GFM2: variants seen among roughly 807,000 people sequenced by gnomAD.
The protein encoded by GFM2 is GTP dependent ribosome recycling factor mitochondrial 2.
In GFM2, 72 loss-of-function variants were observed where a neutral mutation model predicts 95.4. The observed-to-expected ratio is 0.76, with a 90% CI of 0.62 to 0.92. The LOEUF (loss-of-function observed/expected upper bound fraction) is 0.92, where lower values mean the gene tolerates loss of function less well. Ranked by LOEUF, GFM2 falls within the 40% of genes least tolerant of loss-of-function variation. The pLI, the probability that GFM2 is intolerant of heterozygous loss-of-function variation, is 0.00. For synonymous variants in GFM2, 276 were observed against 317.5 expected, an observed-to-expected ratio of 0.87 and a Z score of 1.39; for missense variants, 825 against 924.1, an observed-to-expected ratio of 0.89 and a Z score of 1.39.
At chr5:74,762,797 C>T (rs1744350856) in intron 2 of GFM2, among the ~76,000 whole-genome samples, 1 of 152,194 alleles carries the variant, frequency 6.6e-6, no homozygotes, top group Non-Finnish European at 1.5e-5. Flanking sequence ...GAATGACTCA[C>T]CTCCCAGGTG....
chr5:74,727,041 A>G (rs1199878127), intron 17 of GFM2, among the ~76,000 whole-genome samples: 1 of 152,040 alleles, frequency 6.6e-6, no homozygotes, highest in Non-Finnish European at 1.5e-5. Flanking sequence ...GGTAGTGCAC[A>G]CCTGTAGTCC....
At chr5:74,744,508 T>C (rs1459805095) in intron 10 of GFM2, among the ~76,000 whole-genome samples, 1 of 152,168 alleles carries the variant, frequency 6.6e-6, no homozygotes, top group Non-Finnish European at 1.5e-5. Flanking sequence ...AATTAAGGTA[T>C]GTTTTATTTA....
rs1441574258 is a variant in GFM2 at position 74,721,744 on chromosome 5, C to A, written c.2251G>T (p.Ala751Ser). The change falls in exon 21 of 21, where the codon GCT (alanine) becomes TCT (serine). Residue 751 changes from alanine to serine, a missense_variant. By Grantham distance (99) the Ala-to-Ser change is moderately conservative. Coordinates refer to ENST00000296805, the MANE Select transcript of GFM2 (RefSeq NM_032380.5). ...GTAGATAGTTCTAAGGCAAAAGTAG[C>A]TGAGCCTGATGTTAGCGTTCGAAGC... ...TVLRTLTSGS[A>S]TFALELSTYQ... 1 of 1,613,582 alleles carries A rather than the reference C, an allele frequency of 6.2e-7. No individual in the cohort carries two copies. Among genetic ancestry groups the A allele is most frequent in the Admixed American group, 1.7e-5 (1 of 59,942 alleles).
At chr5:74,753,871 T>G (rs1378914991) in intron 5 of GFM2, among the ~76,000 whole-genome samples, 1 of 152,082 alleles carries the variant, frequency 6.6e-6, no homozygotes, top group African/African-American at 2.4e-5. Context: ...AAAGAACACC[T>G]GGGAAATTCA....
intron 2 of GFM2, among the ~76,000 whole-genome samples, chr5:74,762,081 T>G (rs992614412): frequency 1.4e-4 from 21 of 152,188 alleles, no homozygotes; most frequent in African/African-American, 4.3e-4. Context: ...GGCCACTTAA[T>G]GAGATCACAA....
At position 74,725,761 on chromosome 5, in the gene GFM2, C is replaced by T; in HGVS notation, c.1913-6G>A. Reference sequence around the variant, plus strand: ...TGGGGATCCAAGCAATGGTCCTAGACAAGGGAAAAAAATTGTATCATACTC... The same window carrying T: ...TGGGGATCCAAGCAATGGTCCTAGATAAGGGAAAAAAATTGTATCATACTC... On this transcript the variant is annotated splice_polypyrimidine_tract_variant and splice_region_variant and intron_variant, in intron 18 of 20. Transcript: ENST00000296805. The T allele has an allele frequency of 6.2e-7, 1 of 1,601,444 alleles. No homozygotes were observed. The highest frequency in any genetic ancestry group is 2.2e-5 in the East Asian group (1 of 44,796).
Position 74,733,344 on chromosome 5 carries a change from A to T in GFM2, c.1511-246T>A, listed in dbSNP as rs1031859546. 469 of 343,844 alleles carry T rather than the reference A, an allele frequency of 1.4e-3. 3 individuals carry two copies. Among genetic ancestry groups the T allele is most frequent in the Admixed American group, 3.6e-3 (84 of 23,072 alleles). The allele number at this position is 343,844 out of a possible 1,614,324, so 21.3% of individuals were successfully genotyped here. A position where few individuals can be genotyped will look rare whatever the true frequency, so the allele number is the denominator to read the frequency against. ...CGTCTTTACAAAAAAAGAAAAAAAA[A>T]AAAAGACAATTTCAAACAGCCATAC... On this transcript the variant is annotated intron_variant, in intron 15 of 20. Transcript: ENST00000296805.
chr5:74,745,574 C>A, intron 10 of GFM2, 104 bp downstream of exon 10: 1 of 889,986 alleles, frequency 1.1e-6, no homozygotes, highest in African/African-American at 1.7e-5. Context: ...TTGGTATCCA[C>A]AGGAGGTCCT....
chr5:74,754,561 G>A (rs544113471), intron 5 of GFM2, among the ~76,000 whole-genome samples: 2 of 152,136 alleles, frequency 1.3e-5, no homozygotes, highest in South Asian at 4.1e-4. Context: ...AGGAATAACT[G>A]TTCTTATATC....
intron 1 of GFM2, among the ~76,000 whole-genome samples, chr5:74,764,088 T>C (rs1234453744): frequency 2.0e-5 from 3 of 152,208 alleles, no homozygotes; most frequent in Non-Finnish European, 4.4e-5. Flanking sequence ...GTTATGTAAA[T>C]GTATAGAATT....
rs1561251651 is a variant in GFM2 at position 74,746,328 on chromosome 5, A to G, written c.609-163T>C. On this transcript the variant is annotated intron_variant, in intron 8 of 20. Coordinates refer to ENST00000296805, the MANE Select transcript of GFM2 (RefSeq NM_032380.5). ...CACTATTTAACAGTTTTCCATAGGA[A>G]AATGTCTGGAATAAACTTTTATGTC... Among the ~76,000 whole-genome samples the G allele has an allele frequency of 2.0e-5, 3 of 152,364 alleles. No homozygotes were observed. The South Asian group carries it at 6.2e-4, about 32-fold the overall frequency.
rs1046767645 is a variant in GFM2 at position 74,743,556 on chromosome 5, T to C, written c.850-1947A>G. 3.3e-5 allele frequency among the ~76,000 whole-genome samples: 5 copies of C among 152,224 alleles called. No individual in the cohort carries two copies. In the East Asian group the frequency reaches 7.7e-4, roughly 23 times the overall value. On this transcript the variant is annotated intron_variant, in intron 10 of 20. Transcript: ENST00000296805. ...GATTCTTTCTGAGATTTCTGTCACA[T>C]ACTATCACATCCTAGAAGACCATGA... is the stretch of plus-strand genomic sequence containing the variant.
chr5:74,755,335 G>A (rs1316445424), intron 5 of GFM2, among the ~76,000 whole-genome samples: 1 of 151,968 alleles, frequency 6.6e-6, no homozygotes, highest in African/African-American at 2.4e-5. Context: ...ACTCCAAAAG[G>A]AACCCTCAAA....
Position 74,741,515 on chromosome 5 carries a change from A to T in GFM2, c.930+14T>A. The T allele has an allele frequency of 1.6e-6, 2 of 1,282,472 alleles. No individual in the cohort carries two copies. Among genetic ancestry groups the T allele is most frequent in the South Asian group, 2.5e-5 (2 of 78,548 alleles). The allele number at this position is 1,282,472 out of a possible 1,614,324, so 79.4% of individuals were successfully genotyped here. ...AGTAAAATTTTGTGAAAGCCATTGA[A>T]TAATAAAATTTACCTTTTCAGCTGG... On this transcript the variant is annotated intron_variant, in intron 11 of 20. Transcript: ENST00000296805.
At chr5:74,728,201 C>T (rs1750236400) in intron 17 of GFM2, among the ~76,000 whole-genome samples, 1 of 152,040 alleles carries the variant, frequency 6.6e-6, no homozygotes, top group Admixed American at 6.6e-5. Flanking sequence ...AAAATACATG[C>T]CTAAATTTTG....
chr5:74,727,271 G>A (rs961517005), intron 17 of GFM2, among the ~76,000 whole-genome samples: 1 of 152,038 alleles, frequency 6.6e-6, no homozygotes, highest in Non-Finnish European at 1.5e-5. Context: ...CTACTAAAGA[G>A]AGTATTACCA....
intron 12 of GFM2, among the ~76,000 whole-genome samples, chr5:74,739,157 C>T (rs958867653): frequency 3.3e-5 from 5 of 152,058 alleles, no homozygotes; most frequent in African/African-American, 1.2e-4. Flanking sequence ...CCAAATTTTG[C>T]GCATCTAAGG....
intron 11 of GFM2, 104 bp from the exon 12 acceptor site, chr5:74,740,241 C>A: frequency 1.3e-6 from 1 of 762,620 alleles, no homozygotes. Context: ...CAGCACTCCT[C>A]ATCACACCTT....
In GFM2 at chr5:74,726,127, C is replaced by G; in HGVS notation, c.1727-1G>C. On this transcript the variant is annotated splice_acceptor_variant, in intron 17 of 20. Transcript: ENST00000296805. LOFTEE classifies it high-confidence loss of function. Reference sequence around the variant, plus strand: ...TCTCCTAAAGTTCTATCTAAGGTATCTGTAAACAAATTGAATATGGCACCT... The same window carrying G: ...TCTCCTAAAGTTCTATCTAAGGTATGTGTAAACAAATTGAATATGGCACCT... 2 of 1,594,714 alleles carry G rather than the reference C, an allele frequency of 1.3e-6. No homozygotes were observed. The highest frequency in any genetic ancestry group is 2.3e-5 in the South Asian group (2 of 88,520).
Sources: allele counts gnomAD v4.1 joint callset (sites outside exome capture counted in the v4.1 genomes callset), GRCh38; gene constraint gnomAD v4.1.1; transcripts MANE v1.5; gene names NCBI Gene and HGNC (gene_info 2026-07-23, HGNC 2026-07-21).